Variants in HYAL1 observed in about 807,000 individuals in gnomAD.
HYAL1 encodes the protein hyaluronidase-1.
In HYAL1, 21 loss-of-function variants were observed where a neutral mutation model predicts 28.8. The observed-to-expected ratio is 0.73, with a 90% CI of 0.52 to 1.05. The LOEUF (loss-of-function observed/expected upper bound fraction) is 1.05. Among genes scored for constraint, HYAL1 ranks in the 50% least tolerant of loss-of-function variants. HYAL1 has a pLI of 0.00. For missense variants in HYAL1, 491 were observed against 579.2 expected (o/e 0.85, Z 1.56); for synonymous variants, 200 against 230.1 (o/e 0.87, Z 1.18).
At chr3:50,301,142 C>T (rs782381794) in intron 2 of HYAL1, 65 bp from the exon 3 acceptor site, 42 of 1,079,660 alleles carry the variant, frequency 3.9e-5, no homozygotes, top group Non-Finnish European at 5.2e-5. Flanking sequence ...TGCTGGAACA[C>T]CATTAGATGG....
chr3:50,300,926 C>T (rs1702117726), intron 3 of HYAL1, 62 bp downstream of exon 3: 1 of 1,495,616 alleles, frequency 6.7e-7, no homozygotes, highest in Non-Finnish European at 9.2e-7. Context: ...CAGGGTCTAC[C>T]CCGTCAGCTT....
At chr3:50,309,870 C>T (rs1702412794) in intron 1 of HYAL1, 1 of 151,444 alleles carries the variant, frequency 6.6e-6, no homozygotes, top group African/African-American at 2.5e-5. Flanking sequence ...GAAATTCCAT[C>T]CAACTCATGG....
Position 50,302,128 on chromosome 3 carries a change from C to A in HYAL1, c.829G>T (p.Gly277Cys), listed in dbSNP as rs1553713050. The change falls in exon 2 of 4, where the codon GGT becomes TGT. Residue 277 changes from glycine to cysteine, a missense_variant. Physicochemically the swap from Gly to Cys is radical, Grantham distance 159 (BLOSUM62 -3). Transcript: ENST00000395144. This position sits in a 1 kb window ranked among gnomAD's most constrained non-coding sequence, Gnocchi z 5.0. ...GGCAGCACCGGCAGATTGGGGTCAC[C>A]AGCAGCCACAGCCACACGGAATGCC... ...AEAFRVAVAA[G>C]DPNLPVLPYV... The A allele has an allele frequency of 7.4e-6, 12 of 1,614,152 alleles. No individual in the cohort carries two copies. The highest frequency in any genetic ancestry group is 1.0e-5 in the Non-Finnish European group (12 of 1,180,034).
At position 50,300,365 on chromosome 3, in the gene HYAL1, G is replaced by C; in HGVS notation, c.*118C>G. On this transcript the variant is annotated 3_prime_UTR_variant, in exon 4 of 4. Coordinates refer to ENST00000395144, the MANE Select transcript of HYAL1 (RefSeq NM_033159.4). ...TGCAGGGAATATGCCTGTGACAGTG[G>C]CTGAGTGTACTCTTTACTGTGACCA... 1 of 1,000,764 alleles carries C rather than the reference G, an allele frequency of 1.0e-6. No individual in the cohort carries two copies. The highest frequency in any genetic ancestry group is 1.3e-5 in the South Asian group (1 of 76,254). The allele number at this position is 1,000,764 out of a possible 1,614,324, so 62.0% of individuals were successfully genotyped here.
In HYAL1 at chr3:50,311,232, G is replaced by A. The variant is rs1357647242; in HGVS notation, c.-310+1032C>T. Among the ~76,000 whole-genome samples, 4 of 98,762 alleles carry A rather than the reference G, an allele frequency of 4.1e-5. 1 individual carries two copies. Among genetic ancestry groups the A allele is most frequent in the Non-Finnish European group, 8.7e-5 (4 of 46,118 alleles). 64.8% of individuals were successfully genotyped at this position (98,762 alleles called of 152,430 possible). A position where few individuals can be genotyped will look rare whatever the true frequency, so the allele number is the denominator to read the frequency against. The stretch of plus-strand genomic sequence containing the variant: ...GGGGTGGCTGGCCGGGCGGGGGGCT[G>A]ACCCCCCCAACTCCCTCCCGGCCGG... On this transcript the variant is annotated intron_variant, in intron 1 of 5. Transcript: ENST00000320295.
chr3:50,308,693 C>G lies in HYAL1; in HGVS notation c.-191+966G>C, dbSNP rs146823068. 1.1e-4 allele frequency among the ~76,000 whole-genome samples: 17 copies of G among 149,032 alleles called. 1 individual carries two copies. In the East Asian group the frequency reaches 3.3e-3, roughly 29 times the overall value. On this transcript the variant is annotated intron_variant, in intron 2 of 5. Transcript: ENST00000320295. ...CTCGTGATCTGCCCACCTTGGCCTC[C>G]CAAAGTGCTGGGATTACAGGCATGA...
chr3:50,300,588 C>G lies in HYAL1; in HGVS notation c.1203G>C (p.Arg401=). The stretch of plus-strand genomic sequence containing the variant: ...CCTGATCTTCAAGTGAGAGGGCACC[C>G]CGCAGGCTCAGGGGCCCACCACCAG... ...LTPGGGPLSL[R]GALSLEDQAQ... is the part of the protein sequence containing the mutation. The change falls in exon 4 of 4, where the codon CGG becomes CGC. Residue 401 remains arginine, a synonymous_variant. Transcript: ENST00000395144. 1 of 1,614,208 alleles carries G rather than the reference C, an allele frequency of 6.2e-7. No individual in the cohort carries two copies. The highest frequency in any genetic ancestry group is 8.5e-7 in the Non-Finnish European group (1 of 1,180,030).
rs587619272 is a variant in HYAL1, at chr3:50,311,446, A to AC, written c.-310+817dup. ...GGGCGGCTGGCCAGGCGGGGGGCTG[A>AC]CCCCCCCCCACCTCCCTCCCGGACG... On this transcript the variant is annotated intron_variant, in intron 1 of 5. Transcript: ENST00000320295. Among the ~76,000 whole-genome samples the AC allele has an allele frequency of 5.6e-4, 24 of 42,636 alleles. 3 individuals are homozygous for AC. The East Asian group carries it at 0.01, about 18-fold the overall frequency. The allele number at this position is 42,636 out of a possible 152,430, so 28.0% of individuals were successfully genotyped here. A position where few individuals can be genotyped will look rare whatever the true frequency, so the allele number is the denominator to read the frequency against.
At chr3:50,311,641 C>A (rs1553714843) in intron 1 of HYAL1, among the ~76,000 whole-genome samples, 2 of 137,222 alleles carry the variant, frequency 1.5e-5, no homozygotes, top group African/African-American at 2.8e-5. Context: ...CACCTCCCTC[C>A]CGGATGGGGC....
At position 50,303,028 on chromosome 3, in the gene HYAL1, C is replaced by T. The variant is rs1419798600; in HGVS notation, c.-24-48G>A. On this transcript the variant is annotated intron_variant, in intron 1 of 3. Coordinates refer to ENST00000395144, the MANE Select transcript of HYAL1 (RefSeq NM_033159.4). The stretch of plus-strand genomic sequence containing the variant: ...AGAACAGGTTGCAAAGTCTCCGATT[C>T]CCCCACTGCTCAGGGCTGGGGGGCT... 26 of 1,405,190 alleles carry T rather than the reference C, an allele frequency of 1.9e-5. No individual in the cohort carries two copies. The East Asian group carries it at 3.7e-4, about 20-fold the overall frequency. The allele number at this position is 1,405,190 out of a possible 1,614,324, so 87.0% of individuals were successfully genotyped here.
At position 50,302,735 on chromosome 3, in the gene HYAL1, G is replaced by GA. The variant is rs1450097579; in HGVS notation, c.221dup (p.Tyr75LeufsTer2). ...GGTAGGTGCCCAGCTGGGAGCTATA[G>GA]AAAATTGTCATGTCAGGGCCGCGGA... On this transcript the variant is annotated frameshift_variant, in exon 2 of 4. Coordinates refer to ENST00000395144, the MANE Select transcript of HYAL1 (RefSeq NM_033159.4). LOFTEE classifies it high-confidence loss of function. The surrounding 1 kb of genome is among the most constrained non-coding windows in gnomAD (Gnocchi z 5.0). The GA allele has an allele frequency of 6.2e-7, 1 of 1,613,946 alleles. No individual in the cohort carries two copies. The highest frequency in any genetic ancestry group is 2.2e-5 in the East Asian group (1 of 44,898).
Position 50,302,929 on chromosome 3 carries a change from C to A in HYAL1, c.28G>T (p.Ala10Ser). The A allele has an allele frequency of 6.3e-7, 1 of 1,580,538 alleles. No homozygotes were observed. The change falls in exon 2 of 4, where the codon GCC becomes TCC. Residue 10 changes from alanine to serine, a missense_variant. Ala to Ser is a moderately conservative substitution (Grantham distance 99, BLOSUM62 1). Coordinates refer to ENST00000395144, the MANE Select transcript of HYAL1 (RefSeq NM_033159.4). This position sits in a 1 kb window ranked among gnomAD's most constrained non-coding sequence, Gnocchi z 5.0. Reference sequence around the variant, plus strand: ...ATATCGAGTAAGGTCAGGAAGAGGGCGCAGATGGGAAGCAGGTGGGCTGCC... The same window carrying A: ...ATATCGAGTAAGGTCAGGAAGAGGGAGCAGATGGGAAGCAGGTGGGCTGCC... MAAHLLPIC[A>S]LFLTLLDMAQ...
At chr3:50,311,388 G>A (rs1487515566) in intron 1 of HYAL1, among the ~76,000 whole-genome samples, 34 of 135,254 alleles carry the variant, frequency 2.5e-4, no homozygotes, top group African/African-American at 3.9e-4. Flanking sequence ...CAGTAGGGGC[G>A]GCCGGGCAGA....
At chr3:50,304,292 AAAAAATATATATATATATATATAT>A (rs1702285676), upstream of HYAL1, among the ~76,000 whole-genome samples, 1 of 51,654 alleles carries the variant, frequency 1.9e-5, no homozygotes, top group African/African-American at 7.8e-5. Context: ...AAAAAAAAAA[AAAAAATATATATATATATATATAT>A]ATATATATAT....
Position 50,302,297 on chromosome 3 carries a change from C to A in HYAL1, c.660G>T (p.Gln220His). Reference protein sequence around the residue: ...YDFLSPNYTGQCPSGIRAQND... With the variant: ...YDFLSPNYTGHCPSGIRAQND... Reference sequence around the variant, plus strand: ...TTTGGGCACGGATGCCTGATGGGCACTGGCCGGTGTAGTTGGGGCTTAGAA... The same window carrying A: ...TTTGGGCACGGATGCCTGATGGGCAATGGCCGGTGTAGTTGGGGCTTAGAA... Residue 220 changes from glutamine (Q) to histidine (H), a missense_variant, in exon 2 of 4, where the codon CAG becomes CAT. Transcript: ENST00000395144. The surrounding 1 kb of genome is among the most constrained non-coding windows in gnomAD (Gnocchi z 5.0). The A allele has an allele frequency of 6.2e-7, 1 of 1,613,736 alleles. No homozygotes were observed. Among genetic ancestry groups the A allele is most frequent in the Non-Finnish European group, 8.5e-7 (1 of 1,180,016 alleles).
Position 50,302,765 on chromosome 3 carries a change from C to A in HYAL1, c.192G>T (p.Gln64His), listed in dbSNP as rs1702224096. ...SVFDVVANPG[Q>H]TFRGPDMTIF... ...TTGTCATGTCAGGGCCGCGGAAGGT[C>A]TGCCCTGGGTTGGCTACCACATCGA... Residue 64 changes from glutamine to histidine, a missense_variant, in exon 2 of 4, where the codon CAG (glutamine) becomes CAT (histidine). By Grantham distance (24) the Gln-to-His change is conservative (BLOSUM62 0). Transcript: ENST00000395144. This position sits in a 1 kb window ranked among gnomAD's most constrained non-coding sequence, Gnocchi z 5.0. 6.2e-7 allele frequency: 1 copy of A among 1,613,906 alleles called. No individual in the cohort carries two copies. The highest frequency in any genetic ancestry group is 1.3e-5 in the African/African-American group (1 of 74,938).
chr3:50,301,988 G>C, intron 2 of HYAL1, 69 bp downstream of exon 2: 3 of 1,438,430 alleles, frequency 2.1e-6, no homozygotes, highest in Non-Finnish European at 2.9e-6. Flanking sequence ...CAAAGCTAAA[G>C]TACCCCAAGG....
At position 50,302,604 on chromosome 3, in the gene HYAL1, G is replaced by A; in HGVS notation, c.353C>T (p.Pro118Leu). The A allele has an allele frequency of 6.2e-7, 1 of 1,614,208 alleles. No homozygotes were observed. The change falls in exon 2 of 4, where the codon CCT becomes CTT. Residue 118 changes from proline to leucine, a missense_variant. Transcript: ENST00000395144. This position sits in a 1 kb window ranked among gnomAD's most constrained non-coding sequence, Gnocchi z 5.0. ...TGCCAGCCCTGAGAAGTCAGGAGCAGGTATGGCAGCCAGGATGTCCTGGAA... is the reference window on the plus strand; with the variant it reads ...TGCCAGCCCTGAGAAGTCAGGAGCAAGTATGGCAGCCAGGATGTCCTGGAA... ...RTFQDILAAI[P>L]APDFSGLAVI...
At chr3:50,312,041 C>A (rs868970183) in intron 1 of HYAL1, among the ~76,000 whole-genome samples, 635 of 130,844 alleles carry the variant, frequency 4.9e-3, no homozygotes, top group Middle Eastern at 8.8e-3. Flanking sequence ...ACCTCCCTCC[C>A]GGACGGGGCG....
Sources: gnomAD v4.1 joint callset for allele counts (sites outside exome capture counted in the v4.1 genomes callset) on GRCh38, gnomAD v4.1.1 for gene constraint, Gnocchi (gnomAD v3.1) non-coding constraint, MANE v1.5 for transcripts, NCBI Gene and HGNC (gene_info 2026-07-23, HGNC 2026-07-21) for gene names.